Variants in ZNF800 observed in about 807,000 individuals in gnomAD.
The protein encoded by ZNF800 is zinc finger protein 800.
A neutral mutation model predicts 59.5 loss-of-function variants in ZNF800; 13 were observed. That is an observed-to-expected ratio of 0.22 (90% CI 0.14 to 0.35). The LOEUF is 0.35. Among genes scored for constraint, ZNF800 ranks in the 10% least tolerant of loss-of-function variants. The pLI is 1.00. For missense variants in ZNF800, 621 were observed against 783.7 expected, an observed-to-expected ratio of 0.79 and a Z score of 2.48; for synonymous variants, 266 against 265.7, an observed-to-expected ratio of 1.00 and a Z score of -0.01.
chr7:127,374,980 G>GCTT lies in ZNF800; in HGVS notation c.353_355dup (p.Glu118dup), dbSNP rs1562905262. On this transcript the variant is annotated inframe_insertion, in exon 5 of 6. Coordinates refer to ENST00000265827, the MANE Select transcript of ZNF800 (RefSeq NM_176814.5). ...TCGTTTGTCCACACTTGGATATATGGCTTCTAGGAGATCATTTATGGCTTG... is the reference window on the plus strand; with the variant it reads ...TCGTTTGTCCACACTTGGATATATGGCTTCTTCTAGGAGATCATTTATGGCTTG... 3 of 1,605,918 alleles carry GCTT rather than the reference G, an allele frequency of 1.9e-6. No homozygotes were observed. In the African/African-American group the frequency reaches 4.0e-5, roughly 22 times the overall value.
downstream of ZNF800, among the ~76,000 whole-genome samples, chr7:127,365,928 A>G (rs1800497107): frequency 6.6e-6 from 1 of 152,160 alleles, no homozygotes. Context: ...TACGACAGTA[A>G]TAATATTTAC....
At chr7:127,365,720 A>G (rs987672707), downstream of ZNF800, among the ~76,000 whole-genome samples, 1 of 152,284 alleles carries the variant, frequency 6.6e-6, no homozygotes, top group Middle Eastern at 3.4e-3. Context: ...ATAAAGGCCC[A>G]TAAAATAACG....
chr7:127,374,984 C>T lies in ZNF800; in HGVS notation c.352G>A (p.Glu118Lys), dbSNP rs759531287. Residue 118 changes from glutamate (E) to lysine (K), a missense_variant, in exon 5 of 6, where the codon GAA becomes AAA. By Grantham distance (56) the Glu-to-Lys change is moderately conservative. Coordinates refer to ENST00000265827, the MANE Select transcript of ZNF800 (RefSeq NM_176814.5). Reference sequence around the variant, plus strand: ...TTGTCCACACTTGGATATATGGCTTCTAGGAGATCATTTATGGCTTGGCTT... The same window carrying T: ...TTGTCCACACTTGGATATATGGCTTTTAGGAGATCATTTATGGCTTGGCTT... The part of the protein sequence containing the change: ...KQSQAINDLL[E>K]AIYPSVDKRE... 8.1e-6 allele frequency: 13 copies of T among 1,605,350 alleles called. No homozygotes were observed. Among genetic ancestry groups the T allele is most frequent in the African/African-American group, 2.7e-5 (2 of 74,320 alleles).
chr7:127,359,218 A>C (rs943501239), intron 1 of ZNF800, among the ~76,000 whole-genome samples: 6 of 139,158 alleles, frequency 4.3e-5, no homozygotes, highest in African/African-American at 1.7e-4. Flanking sequence ...CATCAGCAGC[A>C]TGTAAACAAA....
At chr7:127,343,250 C>A, downstream of ZNF800, among the ~76,000 whole-genome samples, 1 of 151,040 alleles carries the variant, frequency 6.6e-6, no homozygotes, top group Non-Finnish European at 1.5e-5. Flanking sequence ...AATATTATAA[C>A]AAATAGAAAA....
chr7:127,347,389 T>A (rs865831384), exon 2 of ZNF800: 8 of 37,132 alleles, frequency 2.2e-4, no homozygotes, highest in Non-Finnish European at 2.6e-4. Flanking sequence ...GGCGGGGGGG[T>A]GGGGAGGTGG....
In ZNF800 at chr7:127,386,116, T is replaced by G. The variant is rs753256723; in HGVS notation, c.101A>C (p.Gln34Pro). ...ACCAGATTTGGATGTCTGTAGTGGT[T>G]GCTGTAACAAAGGAGGATCTCCAGG... is the stretch of plus-strand genomic sequence containing the variant. ...LEPGDPPLLQ[Q>P]PLQTSKSGIQ... Residue 34 changes from glutamine to proline, a missense_variant, in exon 3 of 6, where the codon CAA becomes CCA. Gln to Pro is a moderately conservative substitution (Grantham distance 76, BLOSUM62 -1). Around this residue, in one of 7 missense-constraint regions of ZNF800, gnomAD observed 57 missense variants for 77.1 expected, o/e 0.74. Transcript: ENST00000265827. 98 of 1,611,874 alleles carry G rather than the reference T, an allele frequency of 6.1e-5. No homozygotes were observed. Among genetic ancestry groups the G allele is most frequent in the South Asian group, 4.5e-4 (41 of 90,808 alleles).
chr7:127,362,033 A>G (rs2188182), intron 1 of ZNF800: 138,271 of 152,180 alleles, frequency 0.91, 62,929 homozygotes, highest in East Asian at 1. Context: ...TATAAAAGAT[A>G]AGGCCTCAGG....
rs775189891 is a variant in ZNF800, at chr7:127,371,828, G to A, written c.*-14C>T. 2.1e-5 allele frequency: 16 copies of A among 764,624 alleles called. No individual in the cohort carries two copies. Among genetic ancestry groups the A allele is most frequent in the Non-Finnish European group, 3.4e-5 (14 of 410,854 alleles). The allele number at this position is 764,624 out of a possible 1,614,324, so 47.4% of individuals were successfully genotyped here. ...ACTTGAAGTTATCTGAGGAGAAATG[G>A]GAATAAATGAACACTTTTGAGTTTA... On this transcript the variant is annotated splice_polypyrimidine_tract_variant and intron_variant, in intron 5 of 5. Coordinates refer to ENST00000265827, the MANE Select transcript of ZNF800 (RefSeq NM_176814.5).
At chr7:127,348,910 G>A (rs1212460158) in intron 1 of ZNF800, among the ~76,000 whole-genome samples, 5 of 152,180 alleles carry the variant, frequency 3.3e-5, no homozygotes, top group African/African-American at 9.6e-5. Flanking sequence ...TTTAAAAAAT[G>A]AAGAGTCCAC....
chr7:127,373,216 T>C, intron 5 of ZNF800, 126 bp downstream of exon 5: 1 of 1,475,532 alleles, frequency 6.8e-7, no homozygotes, highest in Non-Finnish European at 9.0e-7. Context: ...CTCTTGCAGT[T>C]CCCATTGCCA....
At chr7:127,385,186 A>C (rs1471615680) in intron 3 of ZNF800, among the ~76,000 whole-genome samples, 1 of 152,198 alleles carries the variant, frequency 6.6e-6, no homozygotes, top group Non-Finnish European at 1.5e-5. Context: ...TTTCCTTTGA[A>C]CCTCAGAAAT....
At chr7:127,351,410 G>C (rs1243567823) in intron 1 of ZNF800, 1 of 152,094 alleles carries the variant, frequency 6.6e-6, no homozygotes, top group Non-Finnish European at 1.5e-5. Context: ...CTCAAAATGT[G>C]GTTCTGAGAC....
chr7:127,368,839 AAAGT>A, downstream of ZNF800, among the ~76,000 whole-genome samples: 1 of 152,232 alleles, frequency 6.6e-6, no homozygotes, highest in South Asian at 2.1e-4. Context: ...TATTGACCAT[AAAGT>A]AATATAATAA....
At chr7:127,350,802 C>T (rs1261606900) in intron 1 of ZNF800, among the ~76,000 whole-genome samples, 3 of 152,184 alleles carry the variant, frequency 2.0e-5, no homozygotes, top group Non-Finnish European at 4.4e-5. Context: ...GTGCAGCAAT[C>T]CTTTCCTCAT....
chr7:127,373,986 T>G lies in ZNF800; in HGVS notation c.1350A>C (p.Lys450Asn), dbSNP rs1254539525. 1 of 1,613,848 alleles carries G rather than the reference T, an allele frequency of 6.2e-7. No individual in the cohort carries two copies. Among genetic ancestry groups the G allele is most frequent in the Non-Finnish European group, 8.5e-7 (1 of 1,179,944 alleles). Residue 450 changes from lysine to asparagine, a missense_variant, in exon 5 of 6, where the codon AAA (lysine) becomes AAC (asparagine). Physicochemically the swap from Lys to Asn is moderately conservative, Grantham distance 94. This residue lies in a region of ZNF800 where 185 missense variants were observed against 177.6 expected (regional missense o/e 1.04). Transcript: ENST00000265827. The stretch of plus-strand genomic sequence containing the variant: ...TAGGGCTTTCAGAGTCTTGTTTAAC[T>G]TTATTTTTCTGTGCTGCCGGTGTGT... Reference protein sequence around the residue: ...KKNTPAAQKNKVKQDSESPKS... With the variant: ...KKNTPAAQKNNVKQDSESPKS...
At chr7:127,384,227 CTTTTTTTTTTTTT>C (rs577977623) in intron 3 of ZNF800, among the ~76,000 whole-genome samples, 1 of 63,392 alleles carries the variant, frequency 1.6e-5, no homozygotes, top group African/African-American at 7.0e-5. Flanking sequence ...ATTCTAACTT[CTTTTTTTTTTTTT>C]TTTTTTTTTT....
downstream of ZNF800, among the ~76,000 whole-genome samples, chr7:127,365,729 C>A (rs1047559033): frequency 2.0e-5 from 3 of 152,090 alleles, no homozygotes; most frequent in Non-Finnish European, 4.4e-5. Flanking sequence ...CATAAAATAA[C>A]GAAGTGCTCT....
intron 1 of ZNF800, among the ~76,000 whole-genome samples, chr7:127,359,082 C>G (rs1800341662): frequency 6.6e-6 from 1 of 152,094 alleles, no homozygotes; most frequent in Non-Finnish European, 1.5e-5. Flanking sequence ...ACTAGTCTTA[C>G]AAGTAATAAA....
Sources: allele counts gnomAD v4.1 joint callset (sites outside exome capture counted in the v4.1 genomes callset), GRCh38; gene constraint gnomAD v4.1.1; regional missense constraint gnomAD v4.1.1; transcripts MANE v1.5; gene names NCBI Gene and HGNC (gene_info 2026-07-23, HGNC 2026-07-21).